The following KCNH1 variants were observed in gnomAD, a reference collection of about 807,000 sequenced individuals.
The protein encoded by KCNH1 is potassium voltage-gated channel subfamily H member 1.
A neutral mutation model predicts 69.2 loss-of-function variants in KCNH1; 27 were observed. That is an observed-to-expected ratio of 0.39 (90% CI 0.29 to 0.54). KCNH1 has a LOEUF of 0.54. KCNH1 is among the 20% of genes least tolerant of loss of function. The pLI is 0.68. For missense variants in KCNH1, 798 were observed against 1,261.6 expected (o/e 0.63, Z 5.57); for synonymous variants, 456 against 487.7 (o/e 0.93, Z 0.86).
rs1387980426 is a variant in KCNH1 at position 210,806,824 on chromosome 1, A to ATATATATATATATATAT, written c.1463-2659_1463-2658insATATATATATATATATA. Reference sequence around the variant, plus strand: ...ATCTCTACCAAAAAAAAAAAAAAAAAAAAAAAAAAAAAATATATATATATA... The same window carrying ATATATATATATATATAT: ...ATCTCTACCAAAAAAAAAAAAAAAAATATATATATATATATATAAAAAAAAAAAAATATATATATATA... On this transcript the variant is annotated intron_variant, in intron 7 of 10. Coordinates refer to ENST00000271751, the MANE Select transcript of KCNH1 (RefSeq NM_172362.3). Among the ~76,000 whole-genome samples the ATATATATATATATATAT allele has an allele frequency of 1.3e-3, 58 of 44,906 alleles. 2 individuals carry two copies. Among genetic ancestry groups the ATATATATATATATATAT allele is most frequent in the Non-Finnish European group, 2.4e-3 (49 of 20,648 alleles). 29.5% of individuals were successfully genotyped at this position (44,906 alleles called of 152,430 possible). A position where few individuals can be genotyped will look rare whatever the true frequency, so the allele number is the denominator to read the frequency against.
At chr1:210,777,895 C>T (rs541977882) in intron 9 of KCNH1, among the ~76,000 whole-genome samples, 4 of 152,338 alleles carry the variant, frequency 2.6e-5, no homozygotes, top group South Asian at 2.1e-4. Flanking sequence ...GTGGAAGAAG[C>T]GATGTTCTGG....
chr1:211,133,833 G>A lies in KCNH1; in HGVS notation c.79+34C>T, dbSNP rs549357541. 3.2e-6 allele frequency: 5 copies of A among 1,585,314 alleles called. No homozygotes were observed. Among genetic ancestry groups the A allele is most frequent in the Non-Finnish European group, 3.5e-6 (4 of 1,159,274 alleles). On this transcript the variant is annotated intron_variant, in intron 1 of 10. Coordinates refer to ENST00000271751, the MANE Select transcript of KCNH1 (RefSeq NM_172362.3). This position sits in a 1 kb window ranked among gnomAD's most constrained non-coding sequence, Gnocchi z 5.4. The stretch of plus-strand genomic sequence containing the variant: ...TCTGCAATAAAGGCACGGATAAAAC[G>A]CCCGGGTAATCGAAATCCGAATGCA...
chr1:210,938,777 T>A (rs573817868), intron 6 of KCNH1, among the ~76,000 whole-genome samples: 1 of 152,362 alleles, frequency 6.6e-6, no homozygotes, highest in South Asian at 2.1e-4. Flanking sequence ...ACATCTTTAT[T>A]ATTAAAAAAT....
chr1:210,823,405 T>A (rs1448161250), intron 7 of KCNH1, among the ~76,000 whole-genome samples: 1 of 152,202 alleles, frequency 6.6e-6, no homozygotes, highest in Non-Finnish European at 1.5e-5. Context: ...AAGTAGCCAG[T>A]GGAACTCAGC....
chr1:211,087,902 C>T (rs566863510), intron 4 of KCNH1, among the ~76,000 whole-genome samples: 134 of 152,106 alleles, frequency 8.8e-4, no homozygotes, highest in Non-Finnish European at 1.4e-3. Context: ...CCTGAGGCTC[C>T]GGGTAGAAGA....
chr1:211,033,751 C>T (rs889378263), intron 5 of KCNH1, among the ~76,000 whole-genome samples: 3 of 151,880 alleles, frequency 2.0e-5, no homozygotes, highest in Non-Finnish European at 4.4e-5. Context: ...ACATCACACA[C>T]CGGGGCCTGT....
chr1:211,002,338 GTA>G (rs112118983), intron 6 of KCNH1, among the ~76,000 whole-genome samples: 41 of 87,780 alleles, frequency 4.7e-4, no homozygotes, highest in African/African-American at 1.0e-3. Flanking sequence ...GTGTGTGTGT[GTA>G]TATATATATA....
chr1:210,773,532 T>C (rs1042471099), intron 10 of KCNH1, among the ~76,000 whole-genome samples: 20 of 152,240 alleles, frequency 1.3e-4, no homozygotes, highest in African/African-American at 4.3e-4. Context: ...GGTAGCCCCG[T>C]GACAGGCATT....
chr1:210,909,050 A>C (rs1041970910), intron 7 of KCNH1, among the ~76,000 whole-genome samples: 4 of 152,340 alleles, frequency 2.6e-5, no homozygotes, highest in African/African-American at 9.6e-5. Context: ...CTAGCTGATG[A>C]GAGCTGAAAT....
chr1:210,754,844 G>GGCACACACACA (rs1202906757), intron 10 of KCNH1, among the ~76,000 whole-genome samples: 21 of 148,962 alleles, frequency 1.4e-4, no homozygotes, highest in African/African-American at 5.2e-4. Context: ...GTACACACGG[G>GGCACACACACA]CACACACACA....
At chr1:210,935,870 A>G (rs1177269445) in intron 6 of KCNH1, among the ~76,000 whole-genome samples, 1 of 152,222 alleles carries the variant, frequency 6.6e-6, no homozygotes, top group Admixed American at 6.5e-5. Context: ...GATGCAATTC[A>G]ATTGAAATGG....
At chr1:210,834,074 T>C (rs1685227060) in intron 7 of KCNH1, among the ~76,000 whole-genome samples, 1 of 152,140 alleles carries the variant, frequency 6.6e-6, no homozygotes, top group African/African-American at 2.4e-5. Flanking sequence ...GGAACACTTT[T>C]ACACTGTTGG....
intron 6 of KCNH1, among the ~76,000 whole-genome samples, chr1:210,974,807 C>T (rs1688573399): frequency 6.6e-6 from 1 of 151,920 alleles, no homozygotes; most frequent in African/African-American, 2.4e-5. Flanking sequence ...CGTGATCCAC[C>T]CACCTTGGCC....
intron 7 of KCNH1, among the ~76,000 whole-genome samples, chr1:210,866,800 T>C (rs576884194): frequency 1.3e-5 from 2 of 152,232 alleles, no homozygotes; most frequent in Admixed American, 6.5e-5. Flanking sequence ...AACTTGTACA[T>C]GAATGCTCAT....
intron 6 of KCNH1, among the ~76,000 whole-genome samples, chr1:210,926,421 GAGCCTCGT>G (rs1282889678): frequency 1.3e-5 from 2 of 152,148 alleles, no homozygotes; most frequent in Non-Finnish European, 2.9e-5. Context: ...GTATGATCCG[GAGCCTCGT>G]AGCTCCACTG....
chr1:210,984,291 C>T (rs1016540959), intron 6 of KCNH1, among the ~76,000 whole-genome samples: 1 of 152,124 alleles, frequency 6.6e-6, no homozygotes, highest in African/African-American at 2.4e-5. Context: ...ATTGCCCTGG[C>T]CAGAACTTCC....
intron 10 of KCNH1, among the ~76,000 whole-genome samples, chr1:210,735,413 AGTGAGTGAGT>A (rs1358255578): frequency 4.9e-5 from 6 of 121,450 alleles, no homozygotes; most frequent in Admixed American, 9.6e-5. Flanking sequence ...TGAGTGAATG[AGTGAGTGAGT>A]GTGTGTGTGT....
At chr1:210,860,991 C>CT (rs1685966367) in intron 7 of KCNH1, 41 of 1,056,868 alleles carry the variant, frequency 3.9e-5, no homozygotes, top group Non-Finnish European at 5.8e-5. Context: ...AGGGCTCCAT[C>CT]TTTTTTTCAA....
intron 10 of KCNH1, among the ~76,000 whole-genome samples, chr1:210,763,235 A>G (rs201758300): frequency 6.6e-6 from 1 of 152,122 alleles, no homozygotes; most frequent in East Asian, 1.9e-4. Context: ...AAAATAATAA[A>G]AGCCATCTAT....
Sources: allele counts gnomAD v4.1 joint callset (sites outside exome capture counted in the v4.1 genomes callset), GRCh38; gene constraint gnomAD v4.1.1; non-coding constraint Gnocchi (gnomAD v3.1); transcripts MANE v1.5; gene names NCBI Gene and HGNC (gene_info 2026-07-23, HGNC 2026-07-21).